The following CSMD3 variants were observed in gnomAD, a reference collection of about 807,000 sequenced individuals.
The protein encoded by CSMD3 is CUB and sushi domain-containing protein 3.
Under a neutral mutation model 435.2 loss-of-function variants are expected in CSMD3, and 177 were observed. That is an observed-to-expected ratio of 0.41 (90% confidence interval 0.36 to 0.46). The LOEUF (loss-of-function observed/expected upper bound fraction) is 0.46, where lower values mean the gene tolerates loss of function less well. Ranked by LOEUF, CSMD3 falls within the 20% of genes least tolerant of loss-of-function variation. CSMD3 has a pLI of 0.34. For synonymous variants in CSMD3, 1,656 were observed against 1,520.5 expected, an observed-to-expected ratio of 1.09 and a Z score of -2.07; for missense variants, 4,265 against 4,504.6, an observed-to-expected ratio of 0.95 and a Z score of 1.52.
At chr8:113,385,173 G>A (rs532860223) in intron 1 of CSMD3, among the ~76,000 whole-genome samples, 1 of 152,144 alleles carries the variant, frequency 6.6e-6, no homozygotes, top group South Asian at 2.1e-4. Flanking sequence ...TCACTACTTA[G>A]TACATATTCC....
intron 1 of CSMD3, among the ~76,000 whole-genome samples, chr8:113,361,877 A>G (rs1334443943): frequency 1.3e-5 from 2 of 152,158 alleles, no homozygotes; most frequent in Admixed American, 6.5e-5. Context: ...AAATTTTAAT[A>G]TTTCATTGAC....
At chr8:112,979,734 C>T (rs1451299434) in intron 6 of CSMD3, among the ~76,000 whole-genome samples, 1 of 151,294 alleles carries the variant, frequency 6.6e-6, no homozygotes, top group Non-Finnish European at 1.5e-5. Flanking sequence ...AGAAAACGTA[C>T]ATTCAGAAAA....
intron 5 of CSMD3, among the ~76,000 whole-genome samples, chr8:113,080,216 G>C (rs1180533780): frequency 6.6e-6 from 1 of 151,952 alleles, no homozygotes; most frequent in Admixed American, 6.6e-5. Context: ...TATACACATG[G>C]GAAGACTGCA....
chr8:113,346,295 C>G (rs1422212273), intron 1 of CSMD3, among the ~76,000 whole-genome samples: 1 of 151,678 alleles, frequency 6.6e-6, no homozygotes, highest in Non-Finnish European at 1.5e-5. Context: ...TCTGAGTTTC[C>G]ACCCCACTTT....
intron 1 of CSMD3, among the ~76,000 whole-genome samples, chr8:113,421,176 A>T (rs2094607262): frequency 6.6e-6 from 1 of 152,192 alleles, no homozygotes; most frequent in South Asian, 2.1e-4. Context: ...ATCCAGAGTT[A>T]AAATGATCAA....
intron 13 of CSMD3, among the ~76,000 whole-genome samples, chr8:112,799,248 GACA>G (rs35321627): frequency 0.52 from 78,603 of 151,240 alleles, 20,903 homozygotes; most frequent in East Asian, 0.76. Context: ...CTGTCTCTCT[GACA>G]ACATCATGCA....
chr8:112,848,420 A>C (rs1244878234), intron 11 of CSMD3, among the ~76,000 whole-genome samples: 1 of 152,182 alleles, frequency 6.6e-6, no homozygotes, highest in East Asian at 1.9e-4. Context: ...ATATTAATTA[A>C]TTATTTTATT....
chr8:112,240,094 T>C (rs1307146792), intron 66 of CSMD3, among the ~76,000 whole-genome samples: 1 of 152,130 alleles, frequency 6.6e-6, no homozygotes, highest in East Asian at 1.9e-4. Flanking sequence ...TCTGTGTTGA[T>C]GTCTTCTTTA....
intron 12 of CSMD3, among the ~76,000 whole-genome samples, chr8:112,808,443 C>A (rs1412411966): frequency 6.6e-6 from 1 of 152,022 alleles, no homozygotes; most frequent in Non-Finnish European, 1.5e-5. Context: ...CAGCCCCTTA[C>A]CCACCCCCAC....
intron 4 of CSMD3, among the ~76,000 whole-genome samples, 162 bp downstream of exon 4, chr8:113,173,559 TG>T (rs2092302361): frequency 6.6e-6 from 1 of 152,118 alleles, no homozygotes; most frequent in Admixed American, 6.6e-5. Flanking sequence ...TGACCTCAAG[TG>T]ATCCACTCAC....
intron 6 of CSMD3, among the ~76,000 whole-genome samples, chr8:113,000,223 T>C (rs1228902192): frequency 6.6e-6 from 1 of 152,062 alleles, no homozygotes; most frequent in Non-Finnish European, 1.5e-5. Context: ...GATCATAGGT[T>C]AAATAATACA....
chr8:112,535,276 T>C (rs2131098555), intron 27 of CSMD3, among the ~76,000 whole-genome samples: 1 of 152,190 alleles, frequency 6.6e-6, no homozygotes, highest in Non-Finnish European at 1.5e-5. Context: ...AAAACCCCAT[T>C]GTCTCAGCCC....
In CSMD3 at chr8:112,328,098, G is replaced by A. The variant is rs565890443; in HGVS notation, c.7165+7231C>T. Among the ~76,000 whole-genome samples, 17 of 152,244 alleles carry A rather than the reference G, an allele frequency of 1.1e-4. No individual in the cohort carries two copies. The East Asian group carries it at 3.3e-3, about 29-fold the overall frequency. On this transcript the variant is annotated intron_variant, in intron 45 of 70. Transcript: ENST00000297405. ...ATTCCTTACAGAGGACAGAAATAAC[G>A]TTGCATATTCCCTTATAAACTCTAA...
intron 1 of CSMD3, among the ~76,000 whole-genome samples, chr8:113,403,123 A>G (rs1243474418): frequency 6.6e-6 from 1 of 151,288 alleles, no homozygotes; most frequent in Non-Finnish European, 1.5e-5. Context: ...TAATAAATCC[A>G]CAGCTGTGTC....
intron 36 of CSMD3, 62 bp from the exon 37 acceptor site, chr8:112,383,725 C>A (rs1331638468): frequency 5.1e-6 from 5 of 972,648 alleles, no homozygotes; most frequent in South Asian, 3.9e-5. Context: ...TAACTATAGT[C>A]CACCAATCCC....
intron 2 of CSMD3, among the ~76,000 whole-genome samples, chr8:113,283,379 A>C (rs1239767405): frequency 2.0e-5 from 3 of 152,014 alleles, no homozygotes; most frequent in African/African-American, 7.2e-5. Flanking sequence ...AACTCAAATC[A>C]GTAAGAAAAA....
At chr8:113,304,994 CTTTGTAGGGA>C (rs1223420298) in intron 2 of CSMD3, among the ~76,000 whole-genome samples, 1 of 149,520 alleles carries the variant, frequency 6.7e-6, no homozygotes, top group Non-Finnish European at 1.5e-5. Flanking sequence ...AGTTCATGTC[CTTTGTAGGGA>C]CATGGATGAA....
intron 12 of CSMD3, among the ~76,000 whole-genome samples, chr8:112,800,830 G>A (rs183548229): frequency 2.0e-5 from 3 of 152,052 alleles, no homozygotes; most frequent in African/African-American, 7.2e-5. Context: ...GAAATATGCT[G>A]CAAATCTGAT....
chr8:112,930,880 G>C (rs2083085001), intron 9 of CSMD3, among the ~76,000 whole-genome samples: 1 of 152,000 alleles, frequency 6.6e-6, no homozygotes, highest in Admixed American at 6.6e-5. Flanking sequence ...TTTACCCCTT[G>C]AATCCTATAT....
Sources: gnomAD v4.1 joint callset for allele counts (sites outside exome capture counted in the v4.1 genomes callset) on GRCh38, gnomAD v4.1.1 for gene constraint, MANE v1.5 for transcripts, NCBI Gene and HGNC (gene_info 2026-07-23, HGNC 2026-07-21) for gene names.